The following HDAC2 variants were observed in gnomAD, a reference collection of about 807,000 sequenced individuals.
HDAC2 encodes the protein YY1-associated factor 1.
HDAC2 carries 5 observed loss-of-function variants against 68.5 expected under a neutral mutation model. The ratio of observed to expected loss-of-function variants is 0.07; its 90% CI spans 0.04 to 0.15. The LOEUF is 0.15. Among genes scored for constraint, HDAC2 ranks in the 10% least tolerant of loss-of-function variants. The pLI is 1.00. For synonymous variants in HDAC2, 182 were observed against 191.3 expected, an observed-to-expected ratio of 0.95 and a Z score of 0.40; for missense variants, 291 against 600.8, an observed-to-expected ratio of 0.48 and a Z score of 5.39.
chr6:113,949,397 G>A (rs1030258139), intron 6 of HDAC2, 137 bp from the exon 7 acceptor site: 3 of 628,758 alleles, frequency 4.8e-6, no homozygotes, highest in Non-Finnish European at 8.6e-6. Context: ...GTTGAGACCG[G>A]AACAATCAAA....
At chr6:113,962,508 C>T (rs796479059) in intron 1 of HDAC2, 9 of 172,252 alleles carry the variant, frequency 5.2e-5, no homozygotes, top group African/African-American at 2.1e-4. Flanking sequence ...GAGTAATTTA[C>T]TTTTTACTAA....
At chr6:113,948,688 A>C (rs1253380816) in intron 8 of HDAC2, 4 of 299,952 alleles carry the variant, frequency 1.3e-5, no homozygotes, top group Non-Finnish European at 2.5e-5. Context: ...TTAAGTAAAA[A>C]AGTATGCATG....
rs1022280447 is a variant in HDAC2 at position 113,949,225 on chromosome 6, G to A, written c.675C>T (p.Val225=). Residue 225 remains valine (V), a synonymous_variant, in exon 7 of 14, where the codon GTC becomes GTT. Coordinates refer to ENST00000519065, the MANE Select transcript of HDAC2 (RefSeq NM_001527.4). ...IGAGKGKYYA[V]NFPMRDGIDD... Reference sequence around the variant, plus strand: ...CTATACCATCTCTCATTGGAAAATTGACAGCATAGTATTTGCCTTTTCCAG... The same window carrying A: ...CTATACCATCTCTCATTGGAAAATTAACAGCATAGTATTTGCCTTTTCCAG... The A allele has an allele frequency of 1.2e-6, 2 of 1,605,506 alleles. No individual in the cohort carries two copies. The highest frequency in any genetic ancestry group is 1.7e-6 in the Non-Finnish European group (2 of 1,172,242).
At chr6:113,969,856 G>T (rs553440870) in intron 1 of HDAC2, 1 of 152,236 alleles carries the variant, frequency 6.6e-6, no homozygotes, top group Admixed American at 6.5e-5. Context: ...CCCATACCAG[G>T]ATTCCCCACC....
intron 4 of HDAC2, 182 bp downstream of exon 4, chr6:113,956,437 C>G: frequency 1.7e-6 from 1 of 583,318 alleles, no homozygotes; most frequent in South Asian, 2.5e-5. Context: ...GTTTAAAAAG[C>G]GTTTAAGTCA....
At chr6:113,958,541 A>G (rs1157695098) in intron 3 of HDAC2, 108 bp downstream of exon 3, 4 of 633,784 alleles carry the variant, frequency 6.3e-6, no homozygotes, top group Non-Finnish European at 1.1e-5. Context: ...AAATAACTGT[A>G]ACATATTAGA....
intron 1 of HDAC2, among the ~76,000 whole-genome samples, chr6:113,969,390 A>G (rs531778478): frequency 6.6e-6 from 1 of 152,396 alleles, no homozygotes; most frequent in African/African-American, 2.4e-5. Flanking sequence ...TTTTAACTAA[A>G]AAGAGACAGT....
chr6:113,951,436 A>T (rs1776411727), intron 6 of HDAC2, among the ~76,000 whole-genome samples: 1 of 152,038 alleles, frequency 6.6e-6, no homozygotes, highest in South Asian at 2.1e-4. Context: ...AAAATATTCA[A>T]ATGTTATCCT....
rs1384597971 is a variant in HDAC2 at position 113,946,259 on chromosome 6, TAAATATTTTAAAAAC to T, written c.842-126_842-112del. 21 of 762,372 alleles carry T rather than the reference TAAATATTTTAAAAAC, an allele frequency of 2.8e-5. No individual in the cohort carries two copies. The African/African-American group carries it at 3.6e-4, about 13-fold the overall frequency. The allele number at this position is 762,372 out of a possible 1,614,324, so 47.2% of individuals were successfully genotyped here. A position where few individuals can be genotyped will look rare whatever the true frequency, so the allele number is the denominator to read the frequency against. On this transcript the variant is annotated intron_variant, in intron 8 of 13. Transcript: ENST00000519065. ...TGTTACTCAACCAAAATGGGTTTTC[TAAATATTTTAAAAAC>T]AAATAAAAATGTAAAAAATGTCAAG...
chr6:113,942,559 C>T (rs149177153), intron 12 of HDAC2, among the ~76,000 whole-genome samples: 167 of 151,996 alleles, frequency 1.1e-3, no homozygotes, highest in African/African-American at 3.6e-3. Flanking sequence ...TTAACTAAAA[C>T]GTGTGCTCAT....
chr6:113,954,564 C>G (rs899249148), intron 5 of HDAC2, among the ~76,000 whole-genome samples: 3 of 152,150 alleles, frequency 2.0e-5, no homozygotes, highest in Non-Finnish European at 4.4e-5. Context: ...GCTGAGTGGG[C>G]AAGAACTTGC....
intron 1 of HDAC2, chr6:113,970,513 A>C: frequency 8.5e-7 from 1 of 1,169,744 alleles, no homozygotes; most frequent in Non-Finnish European, 1.1e-6. Flanking sequence ...GGGAGAAGGG[A>C]GAGAATGGGC....
intron 10 of HDAC2, 58 bp downstream of exon 10, chr6:113,945,304 G>T: frequency 1.2e-6 from 1 of 824,362 alleles, no homozygotes; most frequent in Non-Finnish European, 2.0e-6. Context: ...GCCCTTTAAA[G>T]CATACTAAAT....
intron 6 of HDAC2, among the ~76,000 whole-genome samples, chr6:113,949,816 C>T (rs1460667255): frequency 7.3e-5 from 11 of 151,564 alleles, no homozygotes; most frequent in Middle Eastern, 3.2e-3. Flanking sequence ...GAGTTTTGCT[C>T]GTTGCCCAGG....
At position 113,936,989 on chromosome 6, in the gene HDAC2, C is replaced by CA. The variant is rs202010149; in HGVS notation, c.*4068dup. On this transcript the variant is annotated 3_prime_UTR_variant, in exon 14 of 14. Transcript: ENST00000519065. ...CCTGGGCAACAGAGTGAGACTCTTT[C>CA]AAAAAAAAAAGAAAAAAAAATAGCA... The CA allele has an allele frequency of 0.076, 10,716 of 141,074 alleles. 424 individuals carry two copies. Among genetic ancestry groups the CA allele is most frequent in the Middle Eastern group, 0.11 (31 of 280 alleles). The allele number at this position is 141,074 out of a possible 1,614,324, so 8.7% of individuals were successfully genotyped here. A position where few individuals can be genotyped will look rare whatever the true frequency, so the allele number is the denominator to read the frequency against.
chr6:113,966,639 C>T (rs1055874255), intron 1 of HDAC2, among the ~76,000 whole-genome samples: 1 of 150,336 alleles, frequency 6.7e-6, no homozygotes, highest in Non-Finnish European at 1.5e-5. Context: ...ATGTAGTTGG[C>T]GAAGATACAA....
chr6:113,971,024 T>A lies in HDAC2; in HGVS notation c.-116A>T. ...GCTGAGGGAAACGTGGGGGCGATAG[T>A]CCCGCGGGGAAGGGCAGGCCGGTGG... On this transcript the variant is annotated 5_prime_UTR_variant, in exon 1 of 14. Transcript: ENST00000519065. 6.3e-7 allele frequency: 1 copy of A among 1,575,094 alleles called. No homozygotes were observed. Among genetic ancestry groups the A allele is most frequent in the Non-Finnish European group, 8.6e-7 (1 of 1,159,822 alleles).
At chr6:113,950,695 T>TG (rs1776391269) in intron 6 of HDAC2, among the ~76,000 whole-genome samples, 1 of 33,176 alleles carries the variant, frequency 3.0e-5, no homozygotes, top group African/African-American at 1.3e-4. Flanking sequence ...TGCGCCTGAG[T>TG]GGGGTGGGGG....
Position 113,962,735 on chromosome 6 carries a change from G to A in HDAC2, c.53-2717C>T, listed in dbSNP as rs371013521. On this transcript the variant is annotated intron_variant, in intron 1 of 13. Transcript: ENST00000519065. ...TCCCAGTACTTCGGGAGGCCGAGGC[G>A]GGCAGATCACGAAGTCAAGAGATCG... Among the ~76,000 whole-genome samples, 8 of 152,062 alleles carry A rather than the reference G, an allele frequency of 5.3e-5. No individual in the cohort carries two copies. In the South Asian group the frequency reaches 8.3e-4, roughly 16 times the overall value.
Sources: gnomAD v4.1 joint callset for allele counts (sites outside exome capture counted in the v4.1 genomes callset) on GRCh38, gnomAD v4.1.1 for gene constraint, MANE v1.5 for transcripts, NCBI Gene and HGNC (gene_info 2026-07-23, HGNC 2026-07-21) for gene names.